NCAM2: variants seen among roughly 807,000 people sequenced by gnomAD.
NCAM2 encodes the protein neural cell adhesion molecule 2.
A neutral mutation model predicts 98.1 loss-of-function variants in NCAM2; 30 were observed. The ratio of observed to expected loss-of-function variants is 0.31; its 90% CI spans 0.23 to 0.41. NCAM2 has a LOEUF of 0.41. Ranked by LOEUF, NCAM2 falls within the 10% of genes least tolerant of loss-of-function variation. The pLI is 1.00. For missense variants in NCAM2, 867 were observed against 1,005.8 expected (o/e 0.86, Z 1.87); for synonymous variants, 368 against 342.4 (o/e 1.07, Z -0.83).
At chr21:21,523,435 G>T (rs745642286) in intron 16 of NCAM2, among the ~76,000 whole-genome samples, 2 of 151,078 alleles carry the variant, frequency 1.3e-5, no homozygotes, top group African/African-American at 4.9e-5. Context: ...GCCCAGCATG[G>T]TTTATTGAAG....
chr21:21,359,841 C>G, intron 8 of NCAM2, among the ~76,000 whole-genome samples: 1 of 151,688 alleles, frequency 6.6e-6, no homozygotes, highest in Non-Finnish European at 1.5e-5. Flanking sequence ...ATAGACTTAA[C>G]AAAAACAACA....
intron 1 of NCAM2, among the ~76,000 whole-genome samples, chr21:21,115,410 A>G (rs1260655990): frequency 6.6e-6 from 1 of 152,130 alleles, no homozygotes; most frequent in African/African-American, 2.4e-5. Flanking sequence ...AAGTTAAATA[A>G]AACATTAAAA....
In NCAM2 at chr21:21,071,936, G is replaced by A. The variant is rs560323788; in HGVS notation, c.55+73318G>A. On this transcript the variant is annotated intron_variant, in intron 1 of 17. Transcript: ENST00000400546. The stretch of plus-strand genomic sequence containing the variant: ...CTATCTATCTATATTTTTTTGAGAC[G>A]GAGTGTTGCTCTGTTGCCCAGGCTG... Among the ~76,000 whole-genome samples, 58 of 145,706 alleles carry A rather than the reference G, an allele frequency of 4.0e-4. 1 individual carries two copies. The highest frequency in any genetic ancestry group is 1.4e-3 in the African/African-American group (55 of 39,306).
intron 1 of NCAM2, among the ~76,000 whole-genome samples, chr21:21,057,702 G>A (rs536111360): frequency 6.6e-6 from 1 of 152,146 alleles, no homozygotes; most frequent in East Asian, 1.9e-4. Context: ...TTTTAAAGTT[G>A]TCATTTAAGA....
At chr21:21,490,171 A>G (rs1986729900) in intron 15 of NCAM2, among the ~76,000 whole-genome samples, 1 of 152,040 alleles carries the variant, frequency 6.6e-6, no homozygotes, top group South Asian at 2.1e-4. Flanking sequence ...AATGTTGCAC[A>G]TAGCCTGGAA....
intron 15 of NCAM2, among the ~76,000 whole-genome samples, chr21:21,492,726 C>A (rs763346112): frequency 2.4e-4 from 37 of 151,928 alleles, no homozygotes; most frequent in African/African-American, 8.7e-4. Flanking sequence ...TCAACACTTA[C>A]AATTTGCATA....
intron 1 of NCAM2, among the ~76,000 whole-genome samples, chr21:21,067,319 G>T (rs2065461809): frequency 6.6e-6 from 1 of 151,972 alleles, no homozygotes; most frequent in Non-Finnish European, 1.5e-5. Context: ...GTATGAAGAG[G>T]GGAATTGTGT....
At chr21:21,015,267 C>G (rs754938143) in intron 1 of NCAM2, among the ~76,000 whole-genome samples, 14 of 152,158 alleles carry the variant, frequency 9.2e-5, no homozygotes, top group Non-Finnish European at 1.9e-4. Context: ...CAAACACGAT[C>G]AAACAATATT....
At chr21:21,512,924 C>T (rs145014953) in intron 16 of NCAM2, among the ~76,000 whole-genome samples, 4 of 151,864 alleles carry the variant, frequency 2.6e-5, no homozygotes, top group East Asian at 1.9e-4. Context: ...GATTATTGTA[C>T]GTTGATTTTT....
intron 5 of NCAM2, among the ~76,000 whole-genome samples, chr21:21,305,654 G>A (rs543723224): frequency 6.6e-6 from 1 of 152,068 alleles, no homozygotes; most frequent in South Asian, 2.1e-4. Context: ...GATCAGACTG[G>A]ATAGAGTTTT....
At chr21:21,314,804 A>G (rs2074168050) in intron 5 of NCAM2, among the ~76,000 whole-genome samples, 1 of 151,896 alleles carries the variant, frequency 6.6e-6, no homozygotes, top group South Asian at 2.1e-4. Context: ...GCTAATATTT[A>G]TTTGGGGTTT....
At chr21:21,176,579 A>G (rs1294666941) in intron 1 of NCAM2, among the ~76,000 whole-genome samples, 2 of 152,098 alleles carry the variant, frequency 1.3e-5, no homozygotes, top group African/African-American at 4.8e-5. Context: ...TGTAACATAG[A>G]TTATTGAAAC....
Position 21,136,901 on chromosome 21 carries a change from A to ATTT in NCAM2, c.55+138293_55+138295dup, listed in dbSNP as rs3071999. 5.2e-4 allele frequency among the ~76,000 whole-genome samples: 78 copies of ATTT among 150,840 alleles called. 1 individual carries two copies. Among genetic ancestry groups the ATTT allele is most frequent in the South Asian group, 1.0e-3 (5 of 4,780 alleles). ...TTTGAATGTTAATAGTAAATAATTG[A>ATTT]TTTTTTTTTTTTGGTTTAAGGACAA... On this transcript the variant is annotated intron_variant, in intron 1 of 17. Coordinates refer to ENST00000400546, the MANE Select transcript of NCAM2 (RefSeq NM_004540.5).
chr21:21,199,372 A>G (rs975589968), intron 1 of NCAM2, among the ~76,000 whole-genome samples: 3 of 152,224 alleles, frequency 2.0e-5, no homozygotes, highest in Non-Finnish European at 4.4e-5. Context: ...TGTTACAACC[A>G]TATCTAAAAT....
chr21:21,463,553 AATAAC>A (rs1359329353), intron 12 of NCAM2, among the ~76,000 whole-genome samples: 7 of 152,080 alleles, frequency 4.6e-5, no homozygotes, highest in African/African-American at 1.2e-4. Context: ...CCAGGACTGT[AATAAC>A]AGTTTAGCCA....
At chr21:21,343,085 G>T (rs953552107) in intron 8 of NCAM2, among the ~76,000 whole-genome samples, 3 of 152,076 alleles carry the variant, frequency 2.0e-5, no homozygotes, top group African/African-American at 7.2e-5. Context: ...AAGAAGCTTT[G>T]TTTTTAAAAC....
intron 15 of NCAM2, among the ~76,000 whole-genome samples, chr21:21,486,285 C>T (rs963080968): frequency 2.4e-4 from 27 of 111,098 alleles, no homozygotes; most frequent in Middle Eastern, 0.01. Flanking sequence ...GCCTGGGCAA[C>T]AGAGCGAGAC....
chr21:21,116,651 G>C (rs1434186327), intron 1 of NCAM2, among the ~76,000 whole-genome samples: 1 of 152,106 alleles, frequency 6.6e-6, no homozygotes, highest in Non-Finnish European at 1.5e-5. Context: ...TCAGGAGATT[G>C]AGACCATTCT....
intron 1 of NCAM2, among the ~76,000 whole-genome samples, chr21:21,091,952 G>A (rs1303188858): frequency 6.6e-6 from 1 of 151,972 alleles, no homozygotes; most frequent in Non-Finnish European, 1.5e-5. Flanking sequence ...TAGGGGCTCG[G>A]TTTTAGATAC....
Sources: allele counts gnomAD v4.1 joint callset (sites outside exome capture counted in the v4.1 genomes callset), GRCh38; gene constraint gnomAD v4.1.1; transcripts MANE v1.5; gene names NCBI Gene and HGNC (gene_info 2026-07-23, HGNC 2026-07-21).